SLC25A48: variants seen among roughly 807,000 people sequenced by gnomAD.
SLC25A48 encodes the protein solute carrier family 25 member 48, also known as CTC-321K16.1.
A neutral mutation model predicts 32.2 loss-of-function variants in SLC25A48; 29 were observed. The observed-to-expected ratio is 0.90, with a 90% CI of 0.67 to 1.23. The LOEUF is 1.23. SLC25A48 is among the 50% of genes most tolerant of loss of function. The pLI is 0.00. For synonymous variants in SLC25A48, 164 were observed against 172.3 expected, an observed-to-expected ratio of 0.95 and a Z score of 0.38; for missense variants, 399 against 422.7, an observed-to-expected ratio of 0.94 and a Z score of 0.49.
At chr5:135,725,717 A>G (rs1192101823) in intron 3 of SLC25A48, among the ~76,000 whole-genome samples, 1 of 152,158 alleles carries the variant, frequency 6.6e-6, no homozygotes, top group African/African-American at 2.4e-5. Context: ...ACTGTTCTAA[A>G]TGTCATGCTC....
chr5:135,693,915 CTT>C (rs756315473), intron 3 of SLC25A48, among the ~76,000 whole-genome samples: 174 of 152,294 alleles, frequency 1.1e-3, no homozygotes, highest in Non-Finnish European at 1.8e-3. Context: ...CTCTCAGACT[CTT>C]TGTTCTGCAG....
upstream of SLC25A48, among the ~76,000 whole-genome samples, chr5:135,830,510 A>G (rs1484416779): frequency 6.6e-6 from 1 of 152,112 alleles, no homozygotes; most frequent in Non-Finnish European, 1.5e-5. Flanking sequence ...CTTCACAGCC[A>G]CTTACCTCTG....
intron 1 of SLC25A48, among the ~76,000 whole-genome samples, chr5:135,625,961 G>A (rs2126902667): frequency 6.6e-6 from 1 of 152,274 alleles, no homozygotes; most frequent in East Asian, 1.9e-4. Context: ...TCCTCTAGAT[G>A]AGCTAAGTGG....
At position 135,646,262 on chromosome 5, in the gene SLC25A48, C is replaced by T. The variant is rs550216556; in HGVS notation, c.-521+11306C>T. Reference sequence around the variant, plus strand: ...ACACGGAGGAAGAGCCCTCTCCGGCCGGCTTGGCTCTGGAGGGAGTTCAGG... The same window carrying T: ...ACACGGAGGAAGAGCCCTCTCCGGCTGGCTTGGCTCTGGAGGGAGTTCAGG... On this transcript the variant is annotated intron_variant, in intron 3 of 10. Coordinates refer to the SLC25A48 transcript ENST00000646290. Among the ~76,000 whole-genome samples, 12 of 112,886 alleles carry T rather than the reference C, an allele frequency of 1.1e-4. No individual in the cohort carries two copies. In the South Asian group the frequency reaches 1.8e-3, roughly 17 times the overall value. 74.1% of individuals were successfully genotyped at this position (112,886 alleles called of 152,430 possible).
chr5:135,714,227 G>A (rs1482979096), intron 3 of SLC25A48, among the ~76,000 whole-genome samples: 3 of 152,214 alleles, frequency 2.0e-5, no homozygotes, highest in Non-Finnish European at 4.4e-5. Flanking sequence ...GCAGTGTAAA[G>A]GAAGGGCAGG....
chr5:135,699,146 T>C (rs4421097), intron 3 of SLC25A48, among the ~76,000 whole-genome samples: 123,803 of 152,208 alleles, frequency 0.81, 50,569 homozygotes, highest in Middle Eastern at 0.89. Context: ...ATCTATAATA[T>C]GACCCAGTGA....
intron 3 of SLC25A48, among the ~76,000 whole-genome samples, chr5:135,711,110 G>A (rs1754649939): frequency 6.6e-6 from 1 of 152,220 alleles, no homozygotes; most frequent in African/African-American, 2.4e-5. Context: ...CCCATTTGAG[G>A]AGAGCAGTGC....
At chr5:135,632,841 A>G (rs1580739213) in intron 2 of SLC25A48, among the ~76,000 whole-genome samples, 1 of 152,274 alleles carries the variant, frequency 6.6e-6, no homozygotes, top group Admixed American at 6.5e-5. Context: ...GAGGGCGAGG[A>G]GAGGCCAGTG....
In SLC25A48 at chr5:135,594,279, G is replaced by GAGAA. The variant is rs559664053; in HGVS notation, c.-849+14685_-849+14688dup. Among the ~76,000 whole-genome samples, 9 of 152,322 alleles carry GAGAA rather than the reference G, an allele frequency of 5.9e-5. No homozygotes were observed. In the South Asian group the frequency reaches 1.9e-3, roughly 32 times the overall value. ...TGTTCTTTGTTTAAATTTCCCTTGG[G>GAGAA]AGAAAGTGGCTTCAGTTGGGGATAC... On this transcript the variant is annotated intron_variant, in intron 1 of 10. Transcript: ENST00000646290.
rs535837879 is a variant in SLC25A48, at chr5:135,860,937, G to T, written c.421+8116G>T. On this transcript the variant is annotated intron_variant, in intron 4 of 7. Transcript: ENST00000681962. ...GACTGGGGGCCACATTGAGGTGAGA[G>T]CCCAGCTCAGGTGGTTGGGGGACTG... is the stretch of plus-strand genomic sequence containing the variant. Among the ~76,000 whole-genome samples, 10 of 152,294 alleles carry T rather than the reference G, an allele frequency of 6.6e-5. No homozygotes were observed. In the South Asian group the frequency reaches 1.7e-3, roughly 25 times the overall value.
chr5:135,702,825 C>T (rs530535622), intron 3 of SLC25A48, among the ~76,000 whole-genome samples: 1 of 152,344 alleles, frequency 6.6e-6, no homozygotes, highest in South Asian at 2.1e-4. Context: ...GTTAGCGTGG[C>T]GTGGAGCTGG....
At chr5:135,624,259 C>G (rs1287328815) in intron 1 of SLC25A48, among the ~76,000 whole-genome samples, 9 of 152,120 alleles carry the variant, frequency 5.9e-5, no homozygotes, top group Non-Finnish European at 1.3e-4. Flanking sequence ...CATTTCCGTC[C>G]CAGAGCATCT....
At chr5:135,631,299 C>T (rs191721214) in intron 2 of SLC25A48, among the ~76,000 whole-genome samples, 1 of 152,284 alleles carries the variant, frequency 6.6e-6, no homozygotes, top group East Asian at 1.9e-4. Flanking sequence ...GCTCTGCATT[C>T]CTCATGGTGG....
intron 1 of SLC25A48, among the ~76,000 whole-genome samples, chr5:135,593,093 G>A (rs998475699): frequency 2.0e-5 from 3 of 152,114 alleles, no homozygotes; most frequent in African/African-American, 7.2e-5. Flanking sequence ...AATAGTGAGG[G>A]CTCAGGTCTG....
intron 3 of SLC25A48, among the ~76,000 whole-genome samples, chr5:135,797,684 A>G (rs1757221127): frequency 6.6e-6 from 1 of 151,674 alleles, no homozygotes; most frequent in Non-Finnish European, 1.5e-5. Flanking sequence ...GGCAGGCAGA[A>G]GATGATATTA....
chr5:135,852,934 G>C, intron 4 of SLC25A48, 113 bp downstream of exon 4: 3 of 1,387,604 alleles, frequency 2.2e-6, no homozygotes, highest in Non-Finnish European at 2.9e-6. Flanking sequence ...CATCTACCTT[G>C]TCACCTAGTA....
chr5:135,726,949 A>G (rs1755103980), intron 3 of SLC25A48, among the ~76,000 whole-genome samples: 1 of 152,124 alleles, frequency 6.6e-6, no homozygotes, highest in Admixed American at 6.5e-5. Context: ...CAGTTTCTAT[A>G]GATCCTCGGC....
At chr5:135,728,906 G>T (rs565155770) in intron 3 of SLC25A48, among the ~76,000 whole-genome samples, 18 of 145,834 alleles carry the variant, frequency 1.2e-4, no homozygotes, top group African/African-American at 4.3e-4. Context: ...CCCAAGGCTT[G>T]GATAGAGGAG....
chr5:135,692,828 T>A (rs1754177919), intron 3 of SLC25A48, among the ~76,000 whole-genome samples: 1 of 152,218 alleles, frequency 6.6e-6, no homozygotes, highest in Non-Finnish European at 1.5e-5. Flanking sequence ...GCCACTCAAC[T>A]AAGAGATGAA....
Sources: gnomAD v4.1 joint callset for allele counts (sites outside exome capture counted in the v4.1 genomes callset) on GRCh38, gnomAD v4.1.1 for gene constraint, MANE v1.5 for transcripts, NCBI Gene and HGNC (gene_info 2026-07-23, HGNC 2026-07-21) for gene names.